PPP2R3A: variants seen among roughly 807,000 people sequenced by gnomAD.
The protein encoded by PPP2R3A is protein phosphatase 2 regulatory subunit B''alpha.
PPP2R3A carries 80 observed loss-of-function variants against 106.9 expected under a neutral mutation model. The observed-to-expected ratio is 0.75, with a 90% CI of 0.62 to 0.90. The LOEUF (loss-of-function observed/expected upper bound fraction) is 0.90. PPP2R3A is among the 40% of genes least tolerant of loss of function. PPP2R3A has a pLI of 0.00. For synonymous variants in PPP2R3A, 483 were observed against 468.3 expected (o/e 1.03, Z -0.41); for missense variants, 1,386 against 1,350.4 (o/e 1.03, Z -0.41).
intron 13 of PPP2R3A, among the ~76,000 whole-genome samples, chr3:136,118,610 G>A (rs1670801607): frequency 1.3e-5 from 2 of 149,816 alleles, no homozygotes; most frequent in African/African-American, 4.8e-5. Context: ...CAAATCATGA[G>A]TGAACTCCCA....
chr3:136,106,280 C>T lies in PPP2R3A; in HGVS notation c.3287C>T (p.Thr1096Met). 4.3e-6 allele frequency: 7 copies of T among 1,613,758 alleles called. No individual in the cohort carries two copies. Among genetic ancestry groups the T allele is most frequent in the Non-Finnish European group, 5.1e-6 (6 of 1,179,914 alleles). ...WDRFAAEEYE[T>M]LVAEESAQAQ... The stretch of plus-strand genomic sequence containing the variant: ...CGGTTTGCCGCTGAGGAGTATGAGA[C>T]GCTTGTTGCAGAGGAATCTGCCCAA... Residue 1096 changes from threonine (T) to methionine (M), a missense_variant, in exon 13 of 14, where the codon ACG becomes ATG. Transcript: ENST00000264977.
chr3:136,127,995 T>G (rs552953491), intron 13 of PPP2R3A, among the ~76,000 whole-genome samples: 7 of 152,244 alleles, frequency 4.6e-5, no homozygotes, highest in African/African-American at 1.7e-4. Context: ...GCCTGCCTTA[T>G]AAGAGCTCCT....
At chr3:135,968,301 G>C (rs1937147881) in intron 1 of PPP2R3A, among the ~76,000 whole-genome samples, 1 of 152,108 alleles carries the variant, frequency 6.6e-6, no homozygotes, top group Admixed American at 6.5e-5. Flanking sequence ...TTAATTTCTG[G>C]GAGAAGTACA....
intron 3 of PPP2R3A, among the ~76,000 whole-genome samples, chr3:136,034,633 G>A (rs1426048216): frequency 1.3e-5 from 2 of 152,130 alleles, no homozygotes; most frequent in Non-Finnish European, 2.9e-5. Flanking sequence ...GGCTCGTTTT[G>A]TGGCCTCTTC....
intron 13 of PPP2R3A, among the ~76,000 whole-genome samples, chr3:136,140,847 G>T (rs1439110369): frequency 6.6e-6 from 1 of 151,898 alleles, no homozygotes; most frequent in African/African-American, 2.4e-5. Flanking sequence ...GAGGCGGAGG[G>T]TGCAGTGAGC....
chr3:135,968,528 G>C (rs765291110), intron 1 of PPP2R3A, among the ~76,000 whole-genome samples: 4 of 152,176 alleles, frequency 2.6e-5, no homozygotes, highest in Non-Finnish European at 2.9e-5. Flanking sequence ...CCAGGAACAC[G>C]GAGAGTGATG....
Position 136,001,506 on chromosome 3 carries a change from C to T in PPP2R3A, c.8C>T (p.Ala3Val), listed in dbSNP as rs771040462. MA[A>V]TYRLVVSTVN... ...GTAAGTGGATTTGATATTATGGCAG[C>T]AACTTACAGACTTGTGGTTAGTACT... The change falls in exon 2 of 14, where the codon GCA becomes GTA. Residue 3 changes from alanine (A) to valine (V), a missense_variant. Ala to Val is a moderately conservative substitution (Grantham distance 64, BLOSUM62 0). Transcript: ENST00000264977. The T allele has an allele frequency of 1.2e-6, 2 of 1,609,324 alleles. No individual in the cohort carries two copies. The highest frequency in any genetic ancestry group is 4.5e-5 in the East Asian group (2 of 44,782).
intron 2 of PPP2R3A, chr3:136,023,236 T>TGTTTTGTTTC: frequency 6.4e-7 from 1 of 1,558,784 alleles, no homozygotes; most frequent in South Asian, 1.2e-5. Flanking sequence ...TGTTTTGTTT[T>TGTTTTGTTTC]GTTTTGTTTT....
intron 2 of PPP2R3A, among the ~76,000 whole-genome samples, chr3:136,023,534 C>G (rs1275664699): frequency 6.6e-6 from 1 of 152,114 alleles, no homozygotes; most frequent in Non-Finnish European, 1.5e-5. Context: ...CAGAATTTTT[C>G]ATAGAAATAT....
chr3:136,093,134 T>A (rs986224035), intron 10 of PPP2R3A, among the ~76,000 whole-genome samples: 12 of 152,246 alleles, frequency 7.9e-5, no homozygotes, highest in Admixed American at 3.3e-4. Context: ...TTTGGCTGGA[T>A]GTGATGACTC....
At chr3:136,029,920 G>A (rs956246718) in intron 3 of PPP2R3A, among the ~76,000 whole-genome samples, 1 of 152,318 alleles carries the variant, frequency 6.6e-6, no homozygotes, top group Admixed American at 6.5e-5. Flanking sequence ...TTTATAAAAT[G>A]AGGATGCGTG....
rs755158629 is a variant in PPP2R3A, at chr3:136,078,414, A to G, written c.2592A>G (p.Lys864=). The G allele has an allele frequency of 6.2e-7, 1 of 1,611,346 alleles. No individual in the cohort carries two copies. The highest frequency in any genetic ancestry group is 8.5e-7 in the Non-Finnish European group (1 of 1,178,050). The part of the protein sequence containing the change: ...FYTVNRSWSG[K]ITSTEIRKSN... ...CAGTCAACAGATCTTGGAGTGGAAA[A>G]ATTACTTCGACAGAGATAAGAAAAA... The change falls in exon 7 of 14, where the codon AAA becomes AAG. Residue 864 remains lysine (K), a synonymous_variant. Transcript: ENST00000264977.
At chr3:136,026,181 A>G (rs1215811425) in intron 2 of PPP2R3A, among the ~76,000 whole-genome samples, 2 of 152,154 alleles carry the variant, frequency 1.3e-5, no homozygotes, top group Non-Finnish European at 2.9e-5. Flanking sequence ...GTTTTTGCCT[A>G]TTGGAGCAAA....
intron 5 of PPP2R3A, among the ~76,000 whole-genome samples, chr3:136,064,050 A>G (rs1366087645): frequency 6.6e-6 from 1 of 151,918 alleles, no homozygotes; most frequent in Non-Finnish European, 1.5e-5. Flanking sequence ...GGATTAAGAA[A>G]ATGTGGCACA....
chr3:135,977,555 G>A (rs1221434669), intron 1 of PPP2R3A, among the ~76,000 whole-genome samples: 1 of 152,134 alleles, frequency 6.6e-6, no homozygotes, highest in African/African-American at 2.4e-5. Context: ...ATAATGGACT[G>A]TTGGTTAAAG....
At chr3:135,973,943 T>C (rs1005849752) in intron 1 of PPP2R3A, among the ~76,000 whole-genome samples, 35 of 151,890 alleles carry the variant, frequency 2.3e-4, no homozygotes, top group African/African-American at 7.8e-4. Context: ...CAGTCTCTCT[T>C]GAGTCCACAT....
intron 2 of PPP2R3A, among the ~76,000 whole-genome samples, chr3:136,010,051 T>C (rs1295842692): frequency 6.6e-6 from 1 of 152,082 alleles, no homozygotes; most frequent in Non-Finnish European, 1.5e-5. Flanking sequence ...GGTGCCTTTT[T>C]CCCTGTCTTC....
At chr3:136,004,548 T>G (rs1035855001) in intron 2 of PPP2R3A, among the ~76,000 whole-genome samples, 24 of 152,228 alleles carry the variant, frequency 1.6e-4, no homozygotes, top group Non-Finnish European at 1.5e-4. Context: ...ATGGAATATT[T>G]GTTAAGCACT....
chr3:136,087,966 A>G (rs773263689), intron 9 of PPP2R3A, 35 bp downstream of exon 9: 2 of 1,537,516 alleles, frequency 1.3e-6, no homozygotes, highest in East Asian at 2.3e-5. Flanking sequence ...TTAAAAATGA[A>G]CTACAAGTAA....
Sources: allele counts gnomAD v4.1 joint callset (sites outside exome capture counted in the v4.1 genomes callset), GRCh38; gene constraint gnomAD v4.1.1; transcripts MANE v1.5; gene names NCBI Gene and HGNC (gene_info 2026-07-23, HGNC 2026-07-21).